ARHGAP8: variants seen among roughly 807,000 people sequenced by gnomAD.
ARHGAP8 encodes Rho GTPase activating protein 8, also known as rho GTPase-activating protein 8.
Under a neutral mutation model 46.1 loss-of-function variants are expected in ARHGAP8, and 62 were observed. The ratio of observed to expected loss-of-function variants is 1.34; its 90% CI spans 1.10 to 1.66. The LOEUF (loss-of-function observed/expected upper bound fraction) is 1.66. Among genes scored for constraint, ARHGAP8 ranks in the 40% most tolerant of loss-of-function variants. ARHGAP8 has a pLI of 0.00. For missense variants in ARHGAP8, 923 were observed against 568.4 expected, an observed-to-expected ratio of 1.62 and a Z score of -6.34; for synonymous variants, 375 against 243.1, an observed-to-expected ratio of 1.54 and a Z score of -5.05.
At chr22:44,778,497 A>G (rs532609402) in intron 1 of ARHGAP8, among the ~76,000 whole-genome samples, 1 of 152,220 alleles carries the variant, frequency 6.6e-6, no homozygotes, top group South Asian at 2.1e-4. Context: ...TGGGTGTGCA[A>G]GGATCTTTTT....
At chr22:44,784,128 C>T (rs146484514) in intron 1 of ARHGAP8, among the ~76,000 whole-genome samples, 1 of 152,258 alleles carries the variant, frequency 6.6e-6, no homozygotes, top group African/African-American at 2.4e-5. Flanking sequence ...ACACTGCCAG[C>T]CACGGTGACT....
rs541763737 is a variant in ARHGAP8, at chr22:44,797,763, T to C, written c.80-4314T>C. 3.3e-5 allele frequency among the ~76,000 whole-genome samples: 5 copies of C among 152,208 alleles called. No individual in the cohort carries two copies. In the South Asian group the frequency reaches 1.0e-3, roughly 32 times the overall value. On this transcript the variant is annotated intron_variant, in intron 2 of 11. Transcript: ENST00000356099. ...TTCACACACTGTGCGCGCGTGTGTG[T>C]GCGCTCATGCCAGTGTGCATGTGAG...
At chr22:44,853,648 T>C (rs973055936) in intron 10 of ARHGAP8, among the ~76,000 whole-genome samples, 10 of 152,242 alleles carry the variant, frequency 6.6e-5, no homozygotes, top group African/African-American at 2.2e-4. Flanking sequence ...GTCGGCTCTT[T>C]TTAAGTCTAC....
chr22:44,849,672 T>G (rs1295774696), intron 10 of ARHGAP8: 1 of 152,326 alleles, frequency 6.6e-6, no homozygotes, highest in African/African-American at 2.4e-5. Context: ...TCGAACACCG[T>G]CTTTTCAAAT....
intron 11 of ARHGAP8, among the ~76,000 whole-genome samples, chr22:44,861,470 A>C (rs1006149410): frequency 8.5e-6 from 1 of 118,054 alleles, no homozygotes; most frequent in Non-Finnish European, 1.9e-5. Flanking sequence ...ACCGGCAGCC[A>C]GGGGGAGCCT....
intron 5 of ARHGAP8, among the ~76,000 whole-genome samples, chr22:44,815,246 G>C (rs1001898317): frequency 3.3e-5 from 5 of 152,182 alleles, no homozygotes; most frequent in East Asian, 3.9e-4. Context: ...AGGAATGTGT[G>C]GGGGAGGAGG....
intron 9 of ARHGAP8, 84 bp downstream of exon 9, chr22:44,848,134 G>C: frequency 6.4e-7 from 1 of 1,550,676 alleles, no homozygotes; most frequent in Non-Finnish European, 8.7e-7. Flanking sequence ...AGGCAGGGAA[G>C]CACCGCCCCC....
rs778097052 is a variant in ARHGAP8 at position 44,862,597 on chromosome 22, G to A, written c.*2G>A. ...ATGGCAGCCAGAAGACGTCTCTAGT[G>A]TTGCGAACACTCTGTATATTTCGAG... is the stretch of plus-strand genomic sequence containing the variant. On this transcript the variant is annotated 3_prime_UTR_variant, in exon 12 of 12. Transcript: ENST00000356099. 12 of 1,564,406 alleles carry A rather than the reference G, an allele frequency of 7.7e-6. No homozygotes were observed. In the South Asian group the frequency reaches 1.2e-4, roughly 15 times the overall value.
intron 7 of ARHGAP8, among the ~76,000 whole-genome samples, chr22:44,827,534 G>A (rs1202194394): frequency 6.6e-6 from 1 of 151,806 alleles, no homozygotes; most frequent in Non-Finnish European, 1.5e-5. Flanking sequence ...GTAGAAACGG[G>A]GTTTCACCAT....
rs138365589 is a variant in ARHGAP8, at chr22:44,847,879, G to A, written c.671-94G>A. On this transcript the variant is annotated intron_variant, in intron 8 of 11. Transcript: ENST00000356099. ...ATAAATGTGTGGAGGCCAGCCACAG[G>A]TGGGTGATGCCGTGGGCAGGGGAGT... 117 of 1,506,412 alleles carry A rather than the reference G, an allele frequency of 7.8e-5. No individual in the cohort carries two copies. In the African/African-American group the frequency reaches 1.3e-3, roughly 17 times the overall value. The allele number at this position is 1,506,412 out of a possible 1,614,324, so 93.3% of individuals were successfully genotyped here. A position where few individuals can be genotyped will look rare whatever the true frequency, so the allele number is the denominator to read the frequency against.
chr22:44,839,910 G>A (rs1931541712), intron 7 of ARHGAP8, among the ~76,000 whole-genome samples: 1 of 152,260 alleles, frequency 6.6e-6, no homozygotes. Context: ...TTGGCAGAGG[G>A]CACGTGGTGG....
At chr22:44,861,805 G>C (rs137866920) in intron 11 of ARHGAP8, among the ~76,000 whole-genome samples, 1 of 152,164 alleles carries the variant, frequency 6.6e-6, no homozygotes, top group Non-Finnish European at 1.5e-5. Context: ...ACGTGTTGGC[G>C]GAGATGGACA....
chr22:44,828,556 TCTC>T (rs1226838210), intron 7 of ARHGAP8, among the ~76,000 whole-genome samples: 1 of 151,682 alleles, frequency 6.6e-6, no homozygotes, highest in African/African-American at 2.4e-5. Flanking sequence ...TTTAAGCAAT[TCTC>T]CTGCCTCAGC....
At chr22:44,813,255 T>TACAC (rs143474269) in intron 4 of ARHGAP8, among the ~76,000 whole-genome samples, 8 of 150,254 alleles carry the variant, frequency 5.3e-5, no homozygotes, top group Admixed American at 2.7e-4. Flanking sequence ...TACATACACT[T>TACAC]ACACACACAC....
In ARHGAP8 at chr22:44,767,984, C is replaced by CT. The variant is rs1167255172; in HGVS notation, c.-72+15388dup. Among the ~76,000 whole-genome samples, 299 of 47,214 alleles carry CT rather than the reference C, an allele frequency of 6.3e-3. 115 individuals carry two copies. Among genetic ancestry groups the CT allele is most frequent in the African/African-American group, 0.011 (124 of 11,224 alleles). The allele number at this position is 47,214 out of a possible 152,430, so 31.0% of individuals were successfully genotyped here. A position where few individuals can be genotyped will look rare whatever the true frequency, so the allele number is the denominator to read the frequency against. ...GTCAGATTTCCTCCCCGCATGATGT[C>CT]TTTTTTTTTTTTTTTTTTTTTTTTT... On this transcript the variant is annotated intron_variant, in intron 1 of 11. Coordinates refer to ENST00000356099, the MANE Select transcript of ARHGAP8 (RefSeq NM_181335.3).
intron 2 of ARHGAP8, among the ~76,000 whole-genome samples, chr22:44,798,479 G>T (rs1356585589): frequency 6.6e-6 from 1 of 151,572 alleles, no homozygotes; most frequent in Non-Finnish European, 1.5e-5. Flanking sequence ...AATTAGATCT[G>T]CAGTGACCCT....
chr22:44,795,389 G>A (rs1388760271), intron 2 of ARHGAP8, among the ~76,000 whole-genome samples: 4 of 152,044 alleles, frequency 2.6e-5, no homozygotes, highest in Non-Finnish European at 4.4e-5. Flanking sequence ...TGGGTACCTC[G>A]GGCCCTGTGG....
chr22:44,760,970 C>A (rs530891746), intron 1 of ARHGAP8, among the ~76,000 whole-genome samples: 1 of 152,248 alleles, frequency 6.6e-6, no homozygotes, highest in African/African-American at 2.4e-5. Context: ...GCGAGGCAGG[C>A]TTTGGGGGAT....
chr22:44,789,443 G>A (rs754901419), intron 2 of ARHGAP8, among the ~76,000 whole-genome samples: 17 of 151,402 alleles, frequency 1.1e-4, no homozygotes, highest in African/African-American at 1.5e-4. Context: ...GAGCCACTGC[G>A]CCCGGCCGAT....
Sources: gnomAD v4.1 joint callset for allele counts (sites outside exome capture counted in the v4.1 genomes callset) on GRCh38, gnomAD v4.1.1 for gene constraint, MANE v1.5 for transcripts, NCBI Gene and HGNC (gene_info 2026-07-23, HGNC 2026-07-21) for gene names.